Variants in LGR6 observed in about 807,000 individuals in gnomAD.
LGR6 encodes leucine rich repeat containing G protein-coupled receptor 6.
LGR6 carries 45 observed loss-of-function variants against 69.4 expected under a neutral mutation model. That is an observed-to-expected ratio of 0.65 (90% CI 0.51 to 0.83). The LOEUF (loss-of-function observed/expected upper bound fraction) is 0.83, where lower values mean the gene tolerates loss of function less well. LGR6 is among the 40% of genes least tolerant of loss of function. The pLI is 0.00. For synonymous variants in LGR6, 538 were observed against 555.0 expected (o/e 0.97, Z 0.43); for missense variants, 1,108 against 1,246.7 (o/e 0.89, Z 1.68).
rs1337865822 is a variant in LGR6, at chr1:202,310,397, C to T, written c.1567+40C>T. The T allele has an allele frequency of 5.6e-6, 9 of 1,596,722 alleles. No individual in the cohort carries two copies. The Admixed American group carries it at 1.2e-4, about 21-fold the overall frequency. On this transcript the variant is annotated intron_variant, in intron 16 of 17. Transcript: ENST00000367278. ...GCCCTGGGTTGGGGAGGGTAGTGGG[C>T]TGTGGAGAGGAAGTTAGAGGGGATG...
intron 4 of LGR6, among the ~76,000 whole-genome samples, chr1:202,264,248 C>G (rs1338122480): frequency 6.6e-6 from 1 of 152,162 alleles, no homozygotes; most frequent in Non-Finnish European, 1.5e-5. Flanking sequence ...TTTCTTCTCT[C>G]CCTTCTCCTA....
rs191784383 is a variant in LGR6, at chr1:202,306,833, C to T, written c.1137-35C>T. 1.1e-4 allele frequency: 180 copies of T among 1,604,636 alleles called. 1 individual carries two copies. The African/African-American group carries it at 2.0e-3, about 18-fold the overall frequency. On this transcript the variant is annotated intron_variant, in intron 12 of 17. Transcript: ENST00000367278. ...GCATGGAGCGGAGCCAGGGTCTGAG[C>T]CTGCCGGCTCATCCAGCCTCTCTTG...
chr1:202,293,225 C>T (rs1666918340), intron 6 of LGR6, among the ~76,000 whole-genome samples: 1 of 152,202 alleles, frequency 6.6e-6, no homozygotes, highest in East Asian at 1.9e-4. Context: ...AAGTATTGCC[C>T]TTTGCTCCAA....
intron 10 of LGR6, 59 bp downstream of exon 10, chr1:202,303,406 T>G: frequency 1.5e-6 from 2 of 1,312,960 alleles, no homozygotes; most frequent in Non-Finnish European, 2.2e-6. Flanking sequence ...CCAAGAGCTC[T>G]TCCACTCCCT....
In LGR6 at chr1:202,213,791, T is replaced by A. The variant is rs565985590; in HGVS notation, c.213-11632T>A. On this transcript the variant is annotated intron_variant, in intron 1 of 17. Transcript: ENST00000367278. Reference sequence around the variant, plus strand: ...AGAGAGGAAAGGAACTAGTCCAATATCAAACAACTGCTAAGTGTTAGGGCC... The same window carrying A: ...AGAGAGGAAAGGAACTAGTCCAATAACAAACAACTGCTAAGTGTTAGGGCC... Among the ~76,000 whole-genome samples the A allele has an allele frequency of 1.1e-3, 166 of 152,196 alleles. 1 individual carries two copies. Among genetic ancestry groups the A allele is most frequent in the Non-Finnish European group, 1.5e-3 (104 of 68,006 alleles).
intron 5 of LGR6, among the ~76,000 whole-genome samples, chr1:202,280,249 A>G (rs1216114367): frequency 6.6e-6 from 1 of 152,008 alleles, no homozygotes; most frequent in African/African-American, 2.4e-5. Flanking sequence ...GCTCTGGATC[A>G]CCACCTCTAT....
intron 1 of LGR6, among the ~76,000 whole-genome samples, chr1:202,196,185 A>T (rs546121435): frequency 7.7e-4 from 117 of 152,230 alleles, no homozygotes; most frequent in Middle Eastern, 6.8e-3. Flanking sequence ...TATTGGAAGG[A>T]GGTGGCAGAG....
chr1:202,204,463 C>A (rs868107633), intron 1 of LGR6, among the ~76,000 whole-genome samples: 1 of 86,510 alleles, frequency 1.2e-5, no homozygotes, highest in Admixed American at 1.4e-4. Context: ...ACACACACCT[C>A]CACACACACA....
intron 1 of LGR6, 200 bp downstream of exon 1, chr1:202,194,401 C>G: frequency 1.7e-6 from 1 of 588,160 alleles, no homozygotes. Flanking sequence ...GCAGGGAGAC[C>G]GGGCTTCCCT....
intron 1 of LGR6, among the ~76,000 whole-genome samples, chr1:202,196,209 G>A (rs2147883464): frequency 6.6e-6 from 1 of 152,246 alleles, no homozygotes; most frequent in South Asian, 2.1e-4. Context: ...CGTGTCCCCT[G>A]CCCTGGGCTG....
At chr1:202,204,880 TCCTTCA>T in intron 1 of LGR6, among the ~76,000 whole-genome samples, 1 of 5,460 alleles carries the variant, frequency 1.8e-4, no homozygotes, top group Non-Finnish European at 3.0e-4. Flanking sequence ...CACACACACC[TCCTTCA>T]AACACACACA....
intron 1 of LGR6, among the ~76,000 whole-genome samples, chr1:202,207,213 G>A (rs909017384): frequency 3.3e-5 from 5 of 152,124 alleles, no homozygotes; most frequent in Admixed American, 6.5e-5. Flanking sequence ...CACTGTGCCC[G>A]GCCGGTCCTG....
chr1:202,234,887 G>A (rs953023424), intron 3 of LGR6, among the ~76,000 whole-genome samples: 6 of 152,140 alleles, frequency 3.9e-5, no homozygotes, highest in Non-Finnish European at 1.5e-5. Flanking sequence ...GTCTCCTAGG[G>A]TAGGGCTCAC....
intron 2 of LGR6, among the ~76,000 whole-genome samples, chr1:202,227,326 C>T (rs1660634713): frequency 6.6e-6 from 1 of 152,196 alleles, no homozygotes; most frequent in African/African-American, 2.4e-5. Flanking sequence ...AGTCAGGTTT[C>T]AGCATTGAGT....
At chr1:202,248,576 T>C (rs895228318) in intron 4 of LGR6, among the ~76,000 whole-genome samples, 16 of 152,128 alleles carry the variant, frequency 1.1e-4, no homozygotes. Flanking sequence ...TGGAGGACTT[T>C]GAGGGTCCTG....
chr1:202,306,782 A>G lies in LGR6; in HGVS notation c.1137-86A>G, dbSNP rs1404826425. On this transcript the variant is annotated intron_variant, in intron 12 of 17. Transcript: ENST00000367278. ...TGTGCCAGGAGAAGTGGGGGGCTCT[A>G]CTTTCTTCCTCCCAGTGCTCGGGGG... 4.9e-6 allele frequency: 6 copies of G among 1,227,122 alleles called. No homozygotes were observed. In the Admixed American group the frequency reaches 1.1e-4, roughly 22 times the overall value. The allele number at this position is 1,227,122 out of a possible 1,614,324, so 76.0% of individuals were successfully genotyped here. A position where few individuals can be genotyped will look rare whatever the true frequency, so the allele number is the denominator to read the frequency against.
At chr1:202,309,305 G>A in intron 15 of LGR6, 129 bp downstream of exon 15, 1 of 1,099,516 alleles carries the variant, frequency 9.1e-7, no homozygotes, top group South Asian at 1.6e-5. Flanking sequence ...TTTAGTGGAA[G>A]GGCTCACCTG....
rs180825052 is a variant in LGR6 at position 202,302,121 on chromosome 1, G to A, written c.929+886G>A. Among the ~76,000 whole-genome samples the A allele has an allele frequency of 2.9e-3, 446 of 152,282 alleles. 4 individuals carry two copies. Among genetic ancestry groups the A allele is most frequent in the African/African-American group, 0.01 (430 of 41,566 alleles). On this transcript the variant is annotated intron_variant, in intron 9 of 17. Transcript: ENST00000367278. ...GCAGGAGAATTGCTTGAACCTGGGA[G>A]GCTGAGGTTGCAGTGAGCCAAGACT...
intron 3 of LGR6, among the ~76,000 whole-genome samples, chr1:202,231,266 A>AGGCAGTGACCG (rs1414233852): frequency 6.4e-4 from 97 of 152,360 alleles, no homozygotes; most frequent in African/African-American, 2.2e-3. Context: ...GGCAGTGACC[A>AGGCAGTGACCG]TGCCTGGCTG....
Sources: allele counts gnomAD v4.1 joint callset (sites outside exome capture counted in the v4.1 genomes callset), GRCh38; gene constraint gnomAD v4.1.1; transcripts MANE v1.5; gene names NCBI Gene and HGNC (gene_info 2026-07-23, HGNC 2026-07-21).